Variants in ARHGAP42 observed in about 807,000 individuals in gnomAD.
The protein encoded by ARHGAP42 is rho GTPase-activating protein 42.
ARHGAP42 carries 63 observed loss-of-function variants against 125.0 expected under a neutral mutation model. The ratio of observed to expected loss-of-function variants is 0.50; its 90% CI spans 0.41 to 0.62. The LOEUF is 0.62. ARHGAP42 is among the 20% of genes least tolerant of loss of function. ARHGAP42 has a pLI of 0.00. For missense variants in ARHGAP42, 766 were observed against 1,024.2 expected (o/e 0.75, Z 3.44); for synonymous variants, 339 against 351.0 (o/e 0.97, Z 0.38).
chr11:100,890,460 C>T lies in ARHGAP42; in HGVS notation c.385-22992C>T, dbSNP rs116572357. On this transcript the variant is annotated intron_variant, in intron 4 of 23. Coordinates refer to ENST00000298815, the MANE Select transcript of ARHGAP42 (RefSeq NM_152432.4). ...AGTTACCTCATTCCATCCTGTTAAG[C>T]GCTTCATTAAGTACCATTCATATTC... is the stretch of plus-strand genomic sequence containing the variant. Among the ~76,000 whole-genome samples the T allele has an allele frequency of 4.4e-3, 673 of 152,228 alleles. 4 individuals are homozygous for T. The highest frequency in any genetic ancestry group is 0.016 in the African/African-American group (645 of 41,532).
intron 22 of ARHGAP42, among the ~76,000 whole-genome samples, chr11:100,983,348 A>G (rs1858591552): frequency 6.6e-6 from 1 of 152,234 alleles, no homozygotes; most frequent in Non-Finnish European, 1.5e-5. Context: ...TTTTTCAGAT[A>G]TCTTTAATAC....
intron 12 of ARHGAP42, among the ~76,000 whole-genome samples, chr11:100,957,535 T>A (rs503455): frequency 6.6e-6 from 1 of 152,004 alleles, no homozygotes; most frequent in South Asian, 2.1e-4. Context: ...AACAAAGCTG[T>A]GCACTAACTC....
intron 22 of ARHGAP42, among the ~76,000 whole-genome samples, chr11:100,980,559 C>CTTCTTTTTTT (rs1555037006): frequency 0.021 from 1,115 of 51,906 alleles, 211 homozygotes; most frequent in Middle Eastern, 0.077. Flanking sequence ...TTTTCTTCTT[C>CTTCTTTTTTT]TTTTTTTTTT....
intron 12 of ARHGAP42, among the ~76,000 whole-genome samples, chr11:100,955,184 A>G (rs1453669106): frequency 6.6e-6 from 1 of 151,830 alleles, no homozygotes; most frequent in East Asian, 2.0e-4. Flanking sequence ...CCTTATGGAA[A>G]TTTTTTTAAG....
intron 6 of ARHGAP42, among the ~76,000 whole-genome samples, chr11:100,927,014 A>G (rs1422888578): frequency 1.3e-5 from 2 of 152,208 alleles, no homozygotes; most frequent in Non-Finnish European, 2.9e-5. Context: ...AAATCATCAT[A>G]TATAAGCTAA....
chr11:100,941,993 CA>C (rs1053876396), intron 9 of ARHGAP42, 109 bp downstream of exon 9: 9 of 835,300 alleles, frequency 1.1e-5, no homozygotes, highest in South Asian at 1.7e-5. Context: ...TACACATTTA[CA>C]AAAAAATAGA....
chr11:100,721,121 T>C (rs1484058850), intron 1 of ARHGAP42, among the ~76,000 whole-genome samples: 1 of 151,976 alleles, frequency 6.6e-6, no homozygotes, highest in Non-Finnish European at 1.5e-5. Flanking sequence ...TTAACTAAAG[T>C]CAAGAGATTA....
At chr11:100,868,769 T>C (rs1865634458) in intron 4 of ARHGAP42, among the ~76,000 whole-genome samples, 1 of 152,166 alleles carries the variant, frequency 6.6e-6, no homozygotes, top group South Asian at 2.1e-4. Flanking sequence ...AGTATAAACT[T>C]GGGCATTCTA....
intron 22 of ARHGAP42, among the ~76,000 whole-genome samples, chr11:100,980,092 A>C (rs932086385): frequency 2.0e-5 from 3 of 152,146 alleles, no homozygotes; most frequent in Admixed American, 1.3e-4. Flanking sequence ...CTCATGTATT[A>C]GGTTTTTTTA....
chr11:100,992,775 A>G lies in ARHGAP42; in HGVS notation c.*3974A>G, dbSNP rs1413958004. 2.7e-6 allele frequency: 4 copies of G among 1,455,434 alleles called. No homozygotes were observed. Among genetic ancestry groups the G allele is most frequent in the Non-Finnish European group, 3.7e-6 (4 of 1,080,002 alleles). 90.2% of individuals were successfully genotyped at this position (1,455,434 alleles called of 1,614,324 possible). On this transcript the variant is annotated 3_prime_UTR_variant, in exon 24 of 24. Coordinates refer to ENST00000298815, the MANE Select transcript of ARHGAP42 (RefSeq NM_152432.4). ...GGCAGCTGCCCTCACTGTTTTAAAT[A>G]AAGAATCTTACATAAGAATGTTGAC...
At chr11:100,951,257 T>C (rs1390358956) in intron 12 of ARHGAP42, among the ~76,000 whole-genome samples, 1 of 152,098 alleles carries the variant, frequency 6.6e-6, no homozygotes, top group Non-Finnish European at 1.5e-5. Flanking sequence ...TTTAAAAAAC[T>C]ATTTCCAGTT....
chr11:100,807,727 A>G (rs1448820862), intron 3 of ARHGAP42, among the ~76,000 whole-genome samples: 1 of 152,160 alleles, frequency 6.6e-6, no homozygotes. Flanking sequence ...CTTTCCTCGC[A>G]TCTCTAGTTC....
intron 4 of ARHGAP42, among the ~76,000 whole-genome samples, chr11:100,879,840 C>T (rs146911973): frequency 3.4e-4 from 52 of 152,220 alleles, no homozygotes; most frequent in African/African-American, 1.2e-3. Flanking sequence ...GTGAGAGGGT[C>T]GTTTGGCAAA....
At chr11:100,946,366 T>G (rs1868017400) in intron 10 of ARHGAP42, among the ~76,000 whole-genome samples, 1 of 152,108 alleles carries the variant, frequency 6.6e-6, no homozygotes, top group South Asian at 2.1e-4. Context: ...TTTAATTTCC[T>G]TTAATAATTT....
At chr11:100,796,890 C>T (rs1172641154) in intron 3 of ARHGAP42, among the ~76,000 whole-genome samples, 1 of 151,732 alleles carries the variant, frequency 6.6e-6, no homozygotes, top group Non-Finnish European at 1.5e-5. Flanking sequence ...CTGCCTCAGC[C>T]TCCTGAGTAG....
At chr11:100,792,958 G>A (rs143948781) in intron 2 of ARHGAP42, among the ~76,000 whole-genome samples, 1,665 of 152,132 alleles carry the variant, frequency 0.011, 32 homozygotes, top group East Asian at 0.081. Flanking sequence ...GTTTCATCGT[G>A]TTAGCCAGGA....
chr11:100,914,301 G>T (rs573050547), intron 5 of ARHGAP42, among the ~76,000 whole-genome samples: 2 of 151,244 alleles, frequency 1.3e-5, no homozygotes, highest in Middle Eastern at 3.4e-3. Flanking sequence ...TAAATATTTT[G>T]CTCACATCTA....
At chr11:100,722,218 C>T (rs535965648) in intron 1 of ARHGAP42, among the ~76,000 whole-genome samples, 178 of 152,158 alleles carry the variant, frequency 1.2e-3, no homozygotes, top group South Asian at 3.9e-3. Context: ...TCTTTACATT[C>T]GCTGTTTTGC....
At chr11:100,891,199 A>T (rs1866209996) in intron 4 of ARHGAP42, among the ~76,000 whole-genome samples, 1 of 152,194 alleles carries the variant, frequency 6.6e-6, no homozygotes, top group Non-Finnish European at 1.5e-5. Context: ...TTCACAGAAG[A>T]GTCAGAAGAC....
Sources: allele counts gnomAD v4.1 joint callset (sites outside exome capture counted in the v4.1 genomes callset), GRCh38; gene constraint gnomAD v4.1.1; transcripts MANE v1.5; gene names NCBI Gene and HGNC (gene_info 2026-07-23, HGNC 2026-07-21).